The following TTC28 variants were observed in gnomAD, a reference collection of about 807,000 sequenced individuals.
TTC28 encodes the protein tetratricopeptide repeat protein 28.
Under a neutral mutation model 198.0 loss-of-function variants are expected in TTC28, and 61 were observed. The observed-to-expected ratio is 0.31, with a 90% CI of 0.25 to 0.38. The LOEUF (loss-of-function observed/expected upper bound fraction) is 0.38, where lower values mean the gene tolerates loss of function less well. Among genes scored for constraint, TTC28 ranks in the 10% least tolerant of loss-of-function variants. The pLI is 1.00. For synonymous variants in TTC28, 1,171 were observed against 1,297.8 expected, an observed-to-expected ratio of 0.90 and a Z score of 2.10; for missense variants, 2,678 against 3,164.0, an observed-to-expected ratio of 0.85 and a Z score of 3.69.
At chr22:28,133,308 G>C (rs867609431) in intron 6 of TTC28, among the ~76,000 whole-genome samples, 1 of 152,320 alleles carries the variant, frequency 6.6e-6, no homozygotes, top group South Asian at 2.1e-4. Flanking sequence ...CAACACAGAA[G>C]ATGGGTGATT....
chr22:28,444,559 T>C (rs1005250881), intron 2 of TTC28, among the ~76,000 whole-genome samples: 1 of 152,158 alleles, frequency 6.6e-6, no homozygotes, highest in African/African-American at 2.4e-5. Context: ...CACTAGTCTA[T>C]GCTAGAACCT....
chr22:28,450,754 C>G (rs897904871), intron 2 of TTC28, among the ~76,000 whole-genome samples: 54 of 152,122 alleles, frequency 3.5e-4, no homozygotes, highest in African/African-American at 1.3e-3. Context: ...GACACAACAA[C>G]TGGGACTAGG....
At chr22:28,450,163 G>A (rs1428172973) in intron 2 of TTC28, among the ~76,000 whole-genome samples, 1 of 152,084 alleles carries the variant, frequency 6.6e-6, no homozygotes, top group Non-Finnish European at 1.5e-5. Context: ...TTGACATGAT[G>A]ATGATGACAT....
intron 5 of TTC28, among the ~76,000 whole-genome samples, chr22:28,280,421 C>G (rs2044563007): frequency 6.6e-6 from 1 of 152,106 alleles, no homozygotes; most frequent in Non-Finnish European, 1.5e-5. Flanking sequence ...CCGCCTCCGC[C>G]TCCGCCTCCT....
chr22:28,625,403 T>G (rs1180785324), intron 2 of TTC28, among the ~76,000 whole-genome samples: 2 of 152,184 alleles, frequency 1.3e-5, no homozygotes, highest in African/African-American at 4.8e-5. Flanking sequence ...TGTATTTCTA[T>G]AGATTCTCAA....
intron 13 of TTC28, 57 bp from the exon 14 acceptor site, chr22:28,014,449 C>T: frequency 2.0e-6 from 3 of 1,485,904 alleles, no homozygotes; most frequent in Non-Finnish European, 2.7e-6. Context: ...CAAAGACTCA[C>T]CCTGGCCCTC....
Position 28,115,257 on chromosome 22 carries a change from C to G in TTC28, c.1442-6854G>C, listed in dbSNP as rs556130766. ...CTCATTACAGCCATGACCTCCCGGG[C>G]TCAAGTGATCCTCCCACCTCAGCCT... is the stretch of plus-strand genomic sequence containing the variant. On this transcript the variant is annotated intron_variant, in intron 6 of 22. Transcript: ENST00000397906. Among the ~76,000 whole-genome samples the G allele has an allele frequency of 2.1e-4, 32 of 152,254 alleles. 1 individual carries two copies. The highest frequency in any genetic ancestry group is 7.5e-4 in the African/African-American group (31 of 41,560).
chr22:28,375,524 T>C (rs1411523979), intron 2 of TTC28, among the ~76,000 whole-genome samples: 2 of 152,206 alleles, frequency 1.3e-5, no homozygotes, highest in African/African-American at 4.8e-5. Flanking sequence ...TTAAGATTCA[T>C]GTTTTAGCCC....
intron 12 of TTC28, among the ~76,000 whole-genome samples, chr22:28,057,594 C>T (rs1015033482): frequency 3.3e-5 from 5 of 151,962 alleles, no homozygotes; most frequent in Admixed American, 2.0e-4. Flanking sequence ...TTTTGATGAG[C>T]GTAAGTTTTA....
intron 6 of TTC28, among the ~76,000 whole-genome samples, chr22:28,109,087 C>T (rs1188422143): frequency 2.6e-5 from 4 of 152,174 alleles, no homozygotes; most frequent in African/African-American, 7.2e-5. Flanking sequence ...CAATCTTACT[C>T]GAGGGAAAGT....
chr22:28,614,975 A>G (rs1468093242), intron 2 of TTC28, among the ~76,000 whole-genome samples: 1 of 152,202 alleles, frequency 6.6e-6, no homozygotes, highest in African/African-American at 2.4e-5. Flanking sequence ...GCTTCTGCAC[A>G]GCAAAAAGAA....
chr22:28,277,515 C>A (rs1376144816), intron 5 of TTC28, among the ~76,000 whole-genome samples: 1 of 152,128 alleles, frequency 6.6e-6, no homozygotes, highest in Non-Finnish European at 1.5e-5. Context: ...AAACAAACCT[C>A]AGTGATGGTT....
chr22:28,003,580 C>T (rs1266997336), intron 14 of TTC28, among the ~76,000 whole-genome samples: 1 of 152,210 alleles, frequency 6.6e-6, no homozygotes, highest in Non-Finnish European at 1.5e-5. Flanking sequence ...CCACAGGCTA[C>T]TGCCTTCACC....
At chr22:28,474,738 G>A (rs967473458) in intron 2 of TTC28, among the ~76,000 whole-genome samples, 4 of 152,272 alleles carry the variant, frequency 2.6e-5, no homozygotes, top group African/African-American at 9.6e-5. Flanking sequence ...GTGATAAATA[G>A]CATAGTCAAT....
At chr22:28,452,556 T>C (rs1454892906) in intron 2 of TTC28, among the ~76,000 whole-genome samples, 1 of 152,136 alleles carries the variant, frequency 6.6e-6, no homozygotes, top group Admixed American at 6.5e-5. Context: ...GGAGGCCCTC[T>C]AATAACTTGT....
rs1941404785 is a variant in TTC28, at chr22:28,082,505, T to TA, written c.3932+11574_3932+11575insT. ...TGCTTTTCTGCATCAACTCAAATGA[T>TA]CATGTGTTTTTTGTCCTTCATTCTG... On this transcript the variant is annotated intron_variant, in intron 12 of 22. Transcript: ENST00000397906. Among the ~76,000 whole-genome samples, 3 of 152,230 alleles carry TA rather than the reference T, an allele frequency of 2.0e-5. No homozygotes were observed. The South Asian group carries it at 6.2e-4, about 32-fold the overall frequency.
At chr22:28,317,393 T>G (rs1012727017) in intron 2 of TTC28, among the ~76,000 whole-genome samples, 1 of 152,196 alleles carries the variant, frequency 6.6e-6, no homozygotes, top group Non-Finnish European at 1.5e-5. Context: ...AAGAAGAACG[T>G]AGTTATTGTT....
chr22:28,463,776 G>A (rs1032410114), intron 2 of TTC28, among the ~76,000 whole-genome samples: 1 of 151,976 alleles, frequency 6.6e-6, no homozygotes, highest in Non-Finnish European at 1.5e-5. Context: ...GTAGGGGGAG[G>A]GGGAGGGATA....
intron 5 of TTC28, among the ~76,000 whole-genome samples, chr22:28,212,259 C>A (rs563472900): frequency 6.6e-6 from 1 of 151,704 alleles, no homozygotes; most frequent in African/African-American, 2.4e-5. Flanking sequence ...TAACAGAAGG[C>A]AAGAAATAAC....
Sources: allele counts gnomAD v4.1 joint callset (sites outside exome capture counted in the v4.1 genomes callset), GRCh38; gene constraint gnomAD v4.1.1; transcripts MANE v1.5; gene names NCBI Gene and HGNC (gene_info 2026-07-23, HGNC 2026-07-21).